CERS4: variants seen among roughly 807,000 people sequenced by gnomAD.
CERS4 encodes LAG1 homolog, ceramide synthase 4.
Under a neutral mutation model 51.8 loss-of-function variants are expected in CERS4, and 65 were observed. The observed-to-expected ratio is 1.26, with a 90% CI of 1.03 to 1.54. The LOEUF is 1.54. CERS4 is among the 40% of genes most tolerant of loss of function. The probability of loss-of-function intolerance (pLI) is 0.00; values close to 1 mark genes in which losing one functional copy is unlikely to be tolerated. For synonymous variants in CERS4, 228 were observed against 208.4 expected, an observed-to-expected ratio of 1.09 and a Z score of -0.81; for missense variants, 563 against 500.4, an observed-to-expected ratio of 1.13 and a Z score of -1.19.
intron 2 of CERS4, chr19:8,241,193 C>T (rs985962316): frequency 5.3e-5 from 8 of 152,214 alleles, no homozygotes; most frequent in African/African-American, 1.9e-4. Flanking sequence ...TGCTGGAAAC[C>T]GTCCTAAGGG....
chr19:8,256,007 G>GC, intron 6 of CERS4, 128 bp downstream of exon 6: 1 of 1,089,206 alleles, frequency 9.2e-7, no homozygotes, highest in Non-Finnish European at 1.3e-6. Flanking sequence ...AGCGAGCTTT[G>GC]CAAGATGGTG....
At chr19:8,249,057 TG>T in intron 2 of CERS4, among the ~76,000 whole-genome samples, 1 of 137,120 alleles carries the variant, frequency 7.3e-6, no homozygotes, top group African/African-American at 2.9e-5. Flanking sequence ...AGTGGATAGG[TG>T]GATGATGAAT....
At chr19:8,218,900 G>A (rs183069812) in intron 2 of CERS4, among the ~76,000 whole-genome samples, 1 of 152,252 alleles carries the variant, frequency 6.6e-6, no homozygotes, top group Admixed American at 6.5e-5. Flanking sequence ...TCACTGGGTG[G>A]ATGGGTATCA....
chr19:8,231,939 C>T (rs1438585570), intron 2 of CERS4, among the ~76,000 whole-genome samples: 1 of 149,060 alleles, frequency 6.7e-6, no homozygotes, highest in African/African-American at 2.5e-5. Flanking sequence ...AGGATCCTCC[C>T]ACCTCAGCCT....
At chr19:8,229,374 CCTT>C (rs1411990632) in intron 2 of CERS4, among the ~76,000 whole-genome samples, 4 of 147,934 alleles carry the variant, frequency 2.7e-5, no homozygotes, top group Non-Finnish European at 4.5e-5. Context: ...ACCCTTAGAG[CCTT>C]CTTCTTCTTT....
intron 4 of CERS4, among the ~76,000 whole-genome samples, 182 bp downstream of exon 4, chr19:8,254,798 T>C (rs189821640): frequency 6.6e-6 from 1 of 152,120 alleles, no homozygotes; most frequent in East Asian, 1.9e-4. Flanking sequence ...CCAGCCTCCC[T>C]GGGAAACGAC....
chr19:8,230,239 G>C (rs1158231278), intron 2 of CERS4, among the ~76,000 whole-genome samples: 1 of 151,364 alleles, frequency 6.6e-6, no homozygotes, highest in Non-Finnish European at 1.5e-5. Context: ...CTGGAGCACA[G>C]TGGTGCGATC....
chr19:8,241,505 A>G (rs1486250736), intron 2 of CERS4: 1 of 151,854 alleles, frequency 6.6e-6, no homozygotes. Flanking sequence ...TTGTCTTGCT[A>G]TGTTGCCCTG....
At chr19:8,239,811 C>CA (rs1568518100) in intron 2 of CERS4, among the ~76,000 whole-genome samples, 2 of 152,184 alleles carry the variant, frequency 1.3e-5, no homozygotes, top group Non-Finnish European at 2.9e-5. Flanking sequence ...CCCACCTGTC[C>CA]ATCTGTCTAT....
At chr19:8,235,961 C>T (rs967079605) in intron 2 of CERS4, among the ~76,000 whole-genome samples, 2 of 151,962 alleles carry the variant, frequency 1.3e-5, no homozygotes, top group African/African-American at 4.8e-5. Context: ...TTTGGGAAGC[C>T]GAGGCGGGCA....
Position 8,212,832 on chromosome 19 carries a change from G to C in CERS4, c.-2+1970G>C, listed in dbSNP as rs138901185. ...TTTTATATTATTAGTAGAGATGAAGGGGGGTGGGTTTCACCATGTTGGCCA... is the reference window on the plus strand; with the variant it reads ...TTTTATATTATTAGTAGAGATGAAGCGGGGTGGGTTTCACCATGTTGGCCA... On this transcript the variant is annotated intron_variant, in intron 2 of 11. Coordinates refer to ENST00000251363, the MANE Select transcript of CERS4 (RefSeq NM_024552.3). Among the ~76,000 whole-genome samples, 145 of 151,354 alleles carry C rather than the reference G, an allele frequency of 9.6e-4. 1 individual carries two copies. Among genetic ancestry groups the C allele is most frequent in the African/African-American group, 3.5e-3 (143 of 41,232 alleles).
At chr19:8,239,936 T>A (rs1968453581) in intron 2 of CERS4, among the ~76,000 whole-genome samples, 2 of 152,084 alleles carry the variant, frequency 1.3e-5, no homozygotes, top group South Asian at 4.1e-4. Flanking sequence ...TTCATGAAAC[T>A]TATGCCTTGG....
intron 2 of CERS4, among the ~76,000 whole-genome samples, chr19:8,237,371 G>A (rs1367538231): frequency 2.0e-5 from 3 of 152,018 alleles, no homozygotes; most frequent in Non-Finnish European, 4.4e-5. Context: ...GGCCAACATT[G>A]TGAAACCCCA....
intron 8 of CERS4, 56 bp downstream of exon 8, chr19:8,256,766 TG>T (rs1004189921): frequency 5.0e-6 from 8 of 1,587,208 alleles, no homozygotes; most frequent in African/African-American, 1.3e-5. Context: ...GCTGGGGTGC[TG>T]GGGGGTAGGG....
At chr19:8,260,208 T>A (rs1969606755) in intron 10 of CERS4, among the ~76,000 whole-genome samples, 1 of 151,928 alleles carries the variant, frequency 6.6e-6, no homozygotes. Context: ...CAGCCAGTAC[T>A]TTTTGAGATG....
At chr19:8,258,233 G>A (rs901369067) in intron 10 of CERS4, among the ~76,000 whole-genome samples, 3 of 152,168 alleles carry the variant, frequency 2.0e-5, no homozygotes, top group South Asian at 2.1e-4. Context: ...GGCTGCCAGC[G>A]CACCAAAGTC....
At chr19:8,237,893 C>T (rs555388318) in intron 2 of CERS4, among the ~76,000 whole-genome samples, 2 of 152,270 alleles carry the variant, frequency 1.3e-5, no homozygotes, top group South Asian at 2.1e-4. Flanking sequence ...ACTTTAAACA[C>T]GTACAGCTTC....
Position 8,256,721 on chromosome 19 carries a change from A to AT in CERS4, c.612+12dup, listed in dbSNP as rs1303630334. On this transcript the variant is annotated intron_variant, in intron 8 of 11. Coordinates refer to ENST00000251363, the MANE Select transcript of CERS4 (RefSeq NM_024552.3). ...GATGTCAAGCGCAAGGTGAGGCCAA[A>AT]TAAGAGTCTGGAAGACCCAGTCTCT... is the stretch of plus-strand genomic sequence containing the variant. 6.2e-7 allele frequency: 1 copy of AT among 1,610,828 alleles called. No homozygotes were observed. The highest frequency in any genetic ancestry group is 8.5e-7 in the Non-Finnish European group (1 of 1,178,524).
intron 2 of CERS4, among the ~76,000 whole-genome samples, chr19:8,222,980 C>A (rs565637427): frequency 6.6e-5 from 10 of 152,042 alleles, no homozygotes; most frequent in Non-Finnish European, 1.5e-4. Context: ...TTCCTGCTAC[C>A]CGTTGTGTGT....
Sources: gnomAD v4.1 joint callset for allele counts (sites outside exome capture counted in the v4.1 genomes callset) on GRCh38, gnomAD v4.1.1 for gene constraint, MANE v1.5 for transcripts, NCBI Gene and HGNC (gene_info 2026-07-23, HGNC 2026-07-21) for gene names.